The following ADAMTS8 variants were observed in gnomAD, a reference collection of about 807,000 sequenced individuals.
ADAMTS8 encodes the protein ADAM metallopeptidase with thrombospondin type 1 motif 8.
ADAMTS8 carries 50 observed loss-of-function variants against 64.4 expected under a neutral mutation model. That is an observed-to-expected ratio of 0.78 (90% CI 0.62 to 0.98). The LOEUF is 0.98. Ranked by LOEUF, ADAMTS8 falls within the 50% of genes least tolerant of loss-of-function variation. The pLI, the probability that ADAMTS8 is intolerant of heterozygous loss-of-function variation, is 0.00. For missense variants in ADAMTS8, 1,192 were observed against 1,208.2 expected (o/e 0.99, Z 0.20); for synonymous variants, 556 against 533.6 (o/e 1.04, Z -0.58).
At chr11:130,422,374 G>A (rs984128029) in intron 1 of ADAMTS8, among the ~76,000 whole-genome samples, 1 of 152,200 alleles carries the variant, frequency 6.6e-6, no homozygotes, top group African/African-American at 2.4e-5. Flanking sequence ...CAGAGCTTCT[G>A]TGGTAGCCGA....
intron 1 of ADAMTS8, among the ~76,000 whole-genome samples, chr11:130,424,213 A>G (rs574016390): frequency 1.1e-3 from 164 of 152,308 alleles, no homozygotes; most frequent in African/African-American, 3.6e-3. Flanking sequence ...ATAACAGTGC[A>G]CAGGATTCAG....
intron 5 of ADAMTS8, among the ~76,000 whole-genome samples, chr11:130,413,336 G>A (rs905811524): frequency 9.2e-5 from 14 of 152,226 alleles, no homozygotes; most frequent in Non-Finnish European, 1.9e-4. Flanking sequence ...GGGTGAATGG[G>A]AGGTGGCTGA....
rs1338182799 is a variant in ADAMTS8 at position 130,405,816 on chromosome 11, G to A, written c.2412C>T (p.Tyr804=). 2.5e-6 allele frequency: 4 copies of A among 1,614,038 alleles called. No homozygotes were observed. The highest frequency in any genetic ancestry group is 1.6e-4 in the Middle Eastern group (1 of 6,062). Residue 804 remains tyrosine, a synonymous_variant, in exon 9 of 9, where the codon TAC becomes TAT. Coordinates refer to ENST00000257359, the MANE Select transcript of ADAMTS8 (RefSeq NM_007037.6). ...PGEVFPPKVK[Y]TFFVPNDVDF... ...CCACGTCATTAGGAACAAAGAAGGT[G>A]TATTTGACTTTTGGGGGGAAGACCT...
rs1231499509 is a variant in ADAMTS8, at chr11:130,427,871, C to T, written c.416G>A (p.Gly139Asp). 3 of 1,535,210 alleles carry T rather than the reference C, an allele frequency of 2.0e-6. No individual in the cohort carries two copies. Among genetic ancestry groups the T allele is most frequent in the Admixed American group, 2.0e-5 (1 of 50,994 alleles). ...CGGCTGAGCCAGGGAGCCCCCCGCG[C>T]CCTGCGGCTGGATGGTGAACTCCTC... The part of the protein sequence containing the change: ...DGEEFTIQPQ[G>D]AGGSLAQPHR... Residue 139 changes from glycine to aspartate, a missense_variant, in exon 1 of 9, where the codon GGC becomes GAC. Gly to Asp is a moderately conservative substitution (Grantham distance 94). Around this residue, in one of 5 missense-constraint regions of ADAMTS8, gnomAD observed 741 missense variants for 710.6 expected, o/e 1.04. Transcript: ENST00000257359.
At chr11:130,414,241 C>T (rs1386671070) in intron 5 of ADAMTS8, among the ~76,000 whole-genome samples, 1 of 151,494 alleles carries the variant, frequency 6.6e-6, no homozygotes, top group African/African-American at 2.4e-5. Flanking sequence ...TCCCTGCCTC[C>T]GCCTTCTGAG....
In ADAMTS8 at chr11:130,411,270, C is replaced by T; in HGVS notation, c.1750+147G>A. 4.1e-6 allele frequency: 4 copies of T among 980,430 alleles called. No homozygotes were observed. In the South Asian group the frequency reaches 6.9e-5, roughly 17 times the overall value. The allele number at this position is 980,430 out of a possible 1,614,324, so 60.7% of individuals were successfully genotyped here. ...GGTGGAGATCACAGGCAAAACTCTA[C>T]ATCCCAGGAGACCCAATTTACTCCC... On this transcript the variant is annotated intron_variant, in intron 6 of 8. Coordinates refer to ENST00000257359, the MANE Select transcript of ADAMTS8 (RefSeq NM_007037.6). This position sits in a 1 kb window ranked among gnomAD's most constrained non-coding sequence, Gnocchi z 4.2.
Position 130,427,703 on chromosome 11 carries a change from G to T in ADAMTS8, c.584C>A (p.Ala195Glu). The T allele has an allele frequency of 1.3e-6, 2 of 1,595,672 alleles. No homozygotes were observed. The highest frequency in any genetic ancestry group is 8.5e-7 in the Non-Finnish European group (1 of 1,172,404). The change falls in exon 1 of 9, where the codon GCA becomes GAA. Residue 195 changes from alanine to glutamate, a missense_variant. Physicochemically the swap from Ala to Glu is moderately radical, Grantham distance 107. Coordinates refer to ENST00000257359, the MANE Select transcript of ADAMTS8 (RefSeq NM_007037.6). ...DSEEESQEEE[A>E]EGASEPPPPL... Reference sequence around the variant, plus strand: ...CGGTGGCGGCTCGCTAGCGCCTTCTGCCTCCTCTTCTTGGCTCTCCTCCTC... The same window carrying T: ...CGGTGGCGGCTCGCTAGCGCCTTCTTCCTCCTCTTCTTGGCTCTCCTCCTC...
intron 1 of ADAMTS8, among the ~76,000 whole-genome samples, chr11:130,420,445 G>A (rs1404937002): frequency 6.6e-6 from 1 of 152,122 alleles, no homozygotes; most frequent in Non-Finnish European, 1.5e-5. Flanking sequence ...AGGCAGAGGT[G>A]GGTGTTCCTT....
In ADAMTS8 at chr11:130,407,773, AT is replaced by A. The variant is rs1861902625; in HGVS notation, c.2099+690del. ...GGTTCTCTTCTGGCTGTCATTAACC[AT>A]CAATGTGACCTTAGAAAAGTCATTT... On this transcript the variant is annotated intron_variant, in intron 8 of 8. Coordinates refer to ENST00000257359, the MANE Select transcript of ADAMTS8 (RefSeq NM_007037.6). Among the ~76,000 whole-genome samples, 3 of 152,318 alleles carry A rather than the reference AT, an allele frequency of 2.0e-5. No individual in the cohort carries two copies. In the South Asian group the frequency reaches 6.2e-4, roughly 32 times the overall value.
rs764271078 is a variant in ADAMTS8 at position 130,428,079 on chromosome 11, G to C, written c.208C>G (p.Pro70Ala). The C allele has an allele frequency of 2.6e-6, 4 of 1,538,150 alleles. No individual in the cohort carries two copies. Among genetic ancestry groups the C allele is most frequent in the African/African-American group, 1.4e-5 (1 of 71,166 alleles). The change falls in exon 1 of 9, where the codon CCC becomes GCC. Residue 70 changes from proline (P) to alanine (A), a missense_variant. Around this residue, in one of 5 missense-constraint regions of ADAMTS8, gnomAD observed 741 missense variants for 710.6 expected, o/e 1.04. Transcript: ENST00000257359. ...FGKGFVLRLA[P>A]DDSFLAPEFK... ...TCGGGCGCTAGGAAGCTGTCGTCGG[G>C]CGCCAGGCGCAGCACGAAGCCCTTG...
At position 130,411,818 on chromosome 11, in the gene ADAMTS8, C is replaced by T; in HGVS notation, c.1567-218G>A. 3.4e-6 allele frequency: 2 copies of T among 586,464 alleles called. No homozygotes were observed. Among genetic ancestry groups the T allele is most frequent in the Non-Finnish European group, 6.0e-6 (2 of 331,454 alleles). The allele number at this position is 586,464 out of a possible 1,614,324, so 36.3% of individuals were successfully genotyped here. On this transcript the variant is annotated intron_variant, in intron 5 of 8. Coordinates refer to ENST00000257359, the MANE Select transcript of ADAMTS8 (RefSeq NM_007037.6). The surrounding 1 kb of genome is among the most constrained non-coding windows in gnomAD (Gnocchi z 4.2). Reference sequence around the variant, plus strand: ...CTGGACTCATTCACTACTGACTCCTCAGTGTCTAAAACAGTGCCTTATGCT... The same window carrying T: ...CTGGACTCATTCACTACTGACTCCTTAGTGTCTAAAACAGTGCCTTATGCT...
rs780828525 is a variant in ADAMTS8 at position 130,419,151 on chromosome 11, GC to G, written c.861del (p.Thr289HisfsTer61). On this transcript the variant is annotated frameshift_variant, in exon 2 of 9. Coordinates refer to ENST00000257359, the MANE Select transcript of ADAMTS8 (RefSeq NM_007037.6). LOFTEE classifies it high-confidence loss of function. ...KWGPEVSDNG[G>X]LTLRNFCNWQ... ...CAGTTGCAGAAGTTACGCAGTGTAAGCCCCCCATTGTCGGACACCTCTGGGC... is the reference window on the plus strand; with the variant it reads ...CAGTTGCAGAAGTTACGCAGTGTAAGCCCCCATTGTCGGACACCTCTGGGC... The G allele has an allele frequency of 1.2e-6, 2 of 1,614,062 alleles. No homozygotes were observed. The highest frequency in any genetic ancestry group is 1.7e-6 in the Non-Finnish European group (2 of 1,180,042).
At chr11:130,414,193 G>T (rs1261592219) in intron 5 of ADAMTS8, among the ~76,000 whole-genome samples, 1 of 147,696 alleles carries the variant, frequency 6.8e-6, no homozygotes, top group Non-Finnish European at 1.5e-5. Flanking sequence ...GCATGATCAT[G>T]GTTCACTGCA....
Position 130,405,901 on chromosome 11 carries a change from A to C in ADAMTS8, c.2327T>G (p.Leu776Arg). Residue 776 changes from leucine to arginine, a missense_variant, in exon 9 of 9, where the codon CTG (leucine) becomes CGG (arginine). Transcript: ENST00000257359. ...CTCTGGCAAGGGCCGGAAGCTCTGC[A>C]GGCGCTCCAGGGTGGCGATGGAGCC... ...YSGSIATLER[L>R]QSFRPLPEPL... The C allele has an allele frequency of 6.2e-7, 1 of 1,614,126 alleles. No individual in the cohort carries two copies.
chr11:130,427,497 A>AT, intron 1 of ADAMTS8, 70 bp downstream of exon 1: 1 of 627,612 alleles, frequency 1.6e-6, no homozygotes, highest in Non-Finnish European at 2.2e-6. Context: ...GGAAGGGGAG[A>AT]TTTTAGAGAC....
Position 130,411,574 on chromosome 11 carries a change from C to T in ADAMTS8, c.1593G>A (p.Pro531=), listed in dbSNP as rs111981440. Residue 531 remains proline, a synonymous_variant, in exon 6 of 9, where the codon CCG becomes CCA. Transcript: ENST00000257359. The surrounding 1 kb of genome is among the most constrained non-coding windows in gnomAD (Gnocchi z 4.2). ...GAGAACATTCTCCCCAGGGTCCCCA[C>T]GGTGCCCAGCCTCCATCTGCCACGG... ...PKPVADGGWA[P]WGPWGECSRT... 1,350 of 1,614,122 alleles carry T rather than the reference C, an allele frequency of 8.4e-4. 8 individuals are homozygous for T. The African/African-American group carries it at 0.015, about 17-fold the overall frequency.
At chr11:130,427,417 T>C in intron 1 of ADAMTS8, 150 bp downstream of exon 1, 1 of 952,114 alleles carries the variant, frequency 1.1e-6, no homozygotes, top group Non-Finnish European at 1.5e-6. Context: ...AGAATCTCGT[T>C]TGGGGTAAGG....
At chr11:130,408,724 C>A in intron 7 of ADAMTS8, 44 bp downstream of exon 7, 1 of 1,612,636 alleles carries the variant, frequency 6.2e-7, no homozygotes. Flanking sequence ...GGACAGGCGA[C>A]CTTCCTCCCC....
rs527484142 is a variant in ADAMTS8, at chr11:130,416,035, C to A, written c.1264+128G>T. The A allele has an allele frequency of 1.1e-4, 126 of 1,145,266 alleles. No homozygotes were observed. In the African/African-American group the frequency reaches 1.8e-3, roughly 17 times the overall value. 70.9% of individuals were successfully genotyped at this position (1,145,266 alleles called of 1,614,324 possible). A position where few individuals can be genotyped will look rare whatever the true frequency, so the allele number is the denominator to read the frequency against. The stretch of plus-strand genomic sequence containing the variant: ...TTCGGGGGTGGTGTGAATGCCCCAG[C>A]GTGGGAGGCTGGCCGGGGACTCAGC... On this transcript the variant is annotated intron_variant, in intron 4 of 8. Coordinates refer to ENST00000257359, the MANE Select transcript of ADAMTS8 (RefSeq NM_007037.6). The surrounding 1 kb of genome is among the most constrained non-coding windows in gnomAD (Gnocchi z 4.8).
Sources: allele counts gnomAD v4.1 joint callset (sites outside exome capture counted in the v4.1 genomes callset), GRCh38; gene constraint gnomAD v4.1.1; regional missense constraint gnomAD v4.1.1; non-coding constraint Gnocchi (gnomAD v3.1); transcripts MANE v1.5; gene names NCBI Gene and HGNC (gene_info 2026-07-23, HGNC 2026-07-21).